Variants in NUP210L observed in about 807,000 individuals in gnomAD.
NUP210L encodes nucleoporin 210 like, also known as nuclear pore membrane glycoprotein 210-like.
Under a neutral mutation model 208.5 loss-of-function variants are expected in NUP210L, and 74 were observed. The ratio of observed to expected loss-of-function variants is 0.35; its 90% CI spans 0.29 to 0.43. The LOEUF (loss-of-function observed/expected upper bound fraction) is 0.43, where lower values mean the gene tolerates loss of function less well. NUP210L is among the 20% of genes least tolerant of loss of function. NUP210L has a pLI of 1.00. For missense variants in NUP210L, 1,843 were observed against 2,289.4 expected (o/e 0.81, Z 3.98); for synonymous variants, 780 against 816.9 (o/e 0.95, Z 0.77).
At chr1:154,029,826 G>T (rs1348077348) in intron 28 of NUP210L, 70 bp downstream of exon 28, 2 of 1,252,212 alleles carry the variant, frequency 1.6e-6, no homozygotes, top group Non-Finnish European at 2.3e-6. Flanking sequence ...TAAGCTCTTT[G>T]TTGATGGTAA....
chr1:154,018,808 G>T, intron 33 of NUP210L, 125 bp downstream of exon 33: 1 of 1,081,640 alleles, frequency 9.2e-7, no homozygotes, highest in Non-Finnish European at 1.3e-6. Context: ...AGTAAAGTTT[G>T]CTGGCTGGCT....
At chr1:154,118,408 G>A (rs1010615768) in intron 11 of NUP210L, among the ~76,000 whole-genome samples, 2 of 152,150 alleles carry the variant, frequency 1.3e-5, no homozygotes, top group African/African-American at 2.4e-5. Context: ...AGTAATGGTA[G>A]TGTCACAAAA....
chr1:153,994,745 G>A (rs1466706074), intron 38 of NUP210L, among the ~76,000 whole-genome samples: 1 of 151,670 alleles, frequency 6.6e-6, no homozygotes, highest in African/African-American at 2.4e-5. Context: ...TGGGCGCGGT[G>A]GCTCACGCCT....
intron 35 of NUP210L, among the ~76,000 whole-genome samples, chr1:154,002,974 GT>G: frequency 6.9e-6 from 1 of 145,578 alleles, no homozygotes; most frequent in African/African-American, 2.5e-5. Flanking sequence ...GGTAGGAACT[GT>G]TTTTCCAGTT....
chr1:154,113,380 A>G (rs1174632207), intron 12 of NUP210L, among the ~76,000 whole-genome samples: 1 of 151,818 alleles, frequency 6.6e-6, no homozygotes, highest in Non-Finnish European at 1.5e-5. Flanking sequence ...CTACATTTTT[A>G]AATTTATTGA....
At position 154,064,623 on chromosome 1, in the gene NUP210L, T is replaced by C. The variant is rs184500040; in HGVS notation, c.2555-2949A>G. Among the ~76,000 whole-genome samples the C allele has an allele frequency of 6.6e-5, 10 of 152,340 alleles. No homozygotes were observed. The East Asian group carries it at 1.7e-3, about 26-fold the overall frequency. On this transcript the variant is annotated intron_variant, in intron 17 of 39. Coordinates refer to ENST00000368559, the Ensembl canonical transcript of NUP210L. ...GTTTAAAGTCTGGCTTCTCCAGCTA[T>C]AGTCTGCCTTAGACTATAAGTATAT...
Position 154,011,512 on chromosome 1 carries a change from G to A in NUP210L, c.4780+732C>T, listed in dbSNP as rs1244894529. ...GCTGGGATTACAGGTGTGAGCCACC[G>A]CGCCTGGCCATCTCTATTTTTTTTT... On this transcript the variant is annotated intron_variant, in intron 34 of 39. Coordinates refer to ENST00000368559, the Ensembl canonical transcript of NUP210L. Among the ~76,000 whole-genome samples, 4 of 150,094 alleles carry A rather than the reference G, an allele frequency of 2.7e-5. No homozygotes were observed. The East Asian group carries it at 5.9e-4, about 22-fold the overall frequency.
intron 27 of NUP210L, among the ~76,000 whole-genome samples, chr1:154,040,801 C>T (rs1009419435): frequency 8.5e-5 from 13 of 152,062 alleles, no homozygotes; most frequent in African/African-American, 2.7e-4. Flanking sequence ...CCATGTTAGC[C>T]AAGATGGTCT....
intron 33 of NUP210L, among the ~76,000 whole-genome samples, chr1:154,012,955 G>A (rs951191297): frequency 1.6e-5 from 2 of 128,770 alleles, no homozygotes; most frequent in Admixed American, 2.0e-4. Flanking sequence ...GCAGTGAGCC[G>A]ACATTGCGCC....
intron 17 of NUP210L, among the ~76,000 whole-genome samples, chr1:154,065,070 C>T (rs1489526274): frequency 1.4e-5 from 2 of 141,578 alleles, no homozygotes; most frequent in African/African-American, 2.7e-5. Context: ...AGCGAGATTC[C>T]ATCTCAGTAA....
At chr1:154,099,532 G>A (rs923071221) in intron 14 of NUP210L, among the ~76,000 whole-genome samples, 2 of 152,168 alleles carry the variant, frequency 1.3e-5, no homozygotes, top group Admixed American at 6.5e-5. Context: ...AATGGCTTCT[G>A]TGCTTAAAAT....
intron 31 of NUP210L, 64 bp from the exon 32 acceptor site, chr1:154,022,407 A>T (rs1651618428): frequency 7.7e-7 from 1 of 1,300,796 alleles, no homozygotes. Flanking sequence ...ATAGTTCTGG[A>T]GAACACCCTA....
intron 21 of NUP210L, 86 bp downstream of exon 21, chr1:154,058,479 G>A: frequency 1.4e-6 from 2 of 1,453,706 alleles, no homozygotes; most frequent in Non-Finnish European, 9.4e-7. Context: ...TACACACACA[G>A]TAGCTGAGCA....
intron 27 of NUP210L, among the ~76,000 whole-genome samples, chr1:154,032,737 G>C (rs1652304596): frequency 6.6e-6 from 1 of 151,812 alleles, no homozygotes; most frequent in Non-Finnish European, 1.5e-5. Context: ...GGCCAACATG[G>C]CAAAATCCTG....
rs192583993 is a variant in NUP210L, at chr1:154,025,839, C to G, written c.3948-123G>C. Reference sequence around the variant, plus strand: ...CGAGAAAACTGCTTGCCATTCTCCACGTGTGTAATTATTTGTTCCTCAGGT... The same window carrying G: ...CGAGAAAACTGCTTGCCATTCTCCAGGTGTGTAATTATTTGTTCCTCAGGT... On this transcript the variant is annotated intron_variant, in intron 29 of 39. Transcript: ENST00000368559. The G allele has an allele frequency of 2.1e-4, 151 of 711,836 alleles. No individual in the cohort carries two copies. The Middle Eastern group carries it at 2.2e-3, about 10-fold the overall frequency. The allele number at this position is 711,836 out of a possible 1,614,324, so 44.1% of individuals were successfully genotyped here.
At chr1:154,026,567 C>T (rs964624366) in intron 29 of NUP210L, among the ~76,000 whole-genome samples, 1 of 151,922 alleles carries the variant, frequency 6.6e-6, no homozygotes, top group Non-Finnish European at 1.5e-5. Flanking sequence ...AGACTGGTCT[C>T]GAACTCCCAA....
At chr1:154,124,007 C>T (rs543240452) in intron 10 of NUP210L, among the ~76,000 whole-genome samples, 98 of 151,396 alleles carry the variant, frequency 6.5e-4, no homozygotes, top group African/African-American at 2.1e-3. Flanking sequence ...TATGGTGAAA[C>T]CCCCATCTCT....
intron 14 of NUP210L, among the ~76,000 whole-genome samples, chr1:154,099,388 T>G (rs1308113684): frequency 2.6e-5 from 4 of 151,956 alleles, no homozygotes; most frequent in Non-Finnish European, 5.9e-5. Context: ...CTCCACGGAG[T>G]GTGCAGCCCC....
chr1:154,076,961 AAT>A (rs967175561), intron 16 of NUP210L, among the ~76,000 whole-genome samples: 3 of 152,198 alleles, frequency 2.0e-5, no homozygotes, highest in Admixed American at 6.5e-5. Flanking sequence ...TCAAAGACAG[AAT>A]CATAAAAACA....
Sources: allele counts gnomAD v4.1 joint callset (sites outside exome capture counted in the v4.1 genomes callset), GRCh38; gene constraint gnomAD v4.1.1; transcripts MANE v1.5; gene names NCBI Gene and HGNC (gene_info 2026-07-23, HGNC 2026-07-21).